The following BRSK1 variants were observed in gnomAD, a reference collection of about 807,000 sequenced individuals.
BRSK1 encodes the protein BR serine/threonine kinase 1, also known as serine/threonine-protein kinase BRSK1.
A neutral mutation model predicts 86.2 loss-of-function variants in BRSK1; 17 were observed. The ratio of observed to expected loss-of-function variants is 0.20; its 90% CI spans 0.14 to 0.30. BRSK1 has a LOEUF of 0.30. BRSK1 is among the 10% of genes least tolerant of loss of function. The pLI is 1.00. For synonymous variants in BRSK1, 464 were observed against 440.1 expected, an observed-to-expected ratio of 1.05 and a Z score of -0.68; for missense variants, 719 against 1,071.9, an observed-to-expected ratio of 0.67 and a Z score of 4.60.
In BRSK1 at chr19:55,302,973, G is replaced by A; in HGVS notation, c.1028+106G>A. On this transcript the variant is annotated intron_variant, in intron 10 of 18. Transcript: ENST00000309383. The surrounding 1 kb of genome is among the most constrained non-coding windows in gnomAD (Gnocchi z 6.3). The stretch of plus-strand genomic sequence containing the variant: ...GCGAGGAACCCTGGCCTCTCATGGG[G>A]CATGGTTTGAAGCTCCCGCCTGGGA... 1 of 1,440,694 alleles carries A rather than the reference G, an allele frequency of 6.9e-7. No homozygotes were observed. The highest frequency in any genetic ancestry group is 9.3e-7 in the Non-Finnish European group (1 of 1,076,534). The allele number at this position is 1,440,694 out of a possible 1,614,324, so 89.2% of individuals were successfully genotyped here.
At position 55,303,706 on chromosome 19, in the gene BRSK1, G is replaced by C. The variant is rs1307587962; in HGVS notation, c.1166G>C (p.Arg389Pro). The C allele has an allele frequency of 1.9e-6, 3 of 1,612,764 alleles. No individual in the cohort carries two copies. Among genetic ancestry groups the C allele is most frequent in the Non-Finnish European group, 2.5e-6 (3 of 1,179,502 alleles). Residue 389 changes from arginine to proline, a missense_variant, in exon 12 of 19, where the codon CGT becomes CCT. Physicochemically the swap from Arg to Pro is moderately radical, Grantham distance 103. Around this residue, in one of 6 missense-constraint regions of BRSK1, gnomAD observed 168 missense variants for 246.3 expected, o/e 0.68. Transcript: ENST00000309383. The surrounding 1 kb of genome is among the most constrained non-coding windows in gnomAD (Gnocchi z 5.1). ...RKRVDSPMLS[R>P]HGKRRPERKS... is the part of the protein sequence containing the mutation. ...CGTGTGGATTCTCCCATGCTGAGCCGTCACGGGAAGCGGCGACCAGAGCGG... is the reference window on the plus strand; with the variant it reads ...CGTGTGGATTCTCCCATGCTGAGCCCTCACGGGAAGCGGCGACCAGAGCGG...
Position 55,303,890 on chromosome 19 carries a change from C to A in BRSK1, c.1286+64C>A. The A allele has an allele frequency of 6.5e-7, 1 of 1,529,464 alleles. No homozygotes were observed. The highest frequency in any genetic ancestry group is 8.8e-7 in the Non-Finnish European group (1 of 1,138,424). The allele number at this position is 1,529,464 out of a possible 1,614,324, so 94.7% of individuals were successfully genotyped here. On this transcript the variant is annotated intron_variant, in intron 12 of 18. Coordinates refer to ENST00000309383, the MANE Select transcript of BRSK1 (RefSeq NM_032430.2). The surrounding 1 kb of genome is among the most constrained non-coding windows in gnomAD (Gnocchi z 5.1). ...TGGGTCTAGGAGTTCAAGATTCTAA[C>A]CCCAGCTCTACCTCAAATGTGCTGT...
intron 18 of BRSK1, among the ~76,000 whole-genome samples, chr19:55,309,192 G>A (rs1192803781): frequency 6.6e-6 from 1 of 152,054 alleles, no homozygotes; most frequent in East Asian, 1.9e-4. Flanking sequence ...GGACAAATTG[G>A]TCACCATCTT....
intron 4 of BRSK1, among the ~76,000 whole-genome samples, chr19:55,292,813 G>C (rs776464950): frequency 5.3e-5 from 8 of 149,946 alleles, no homozygotes; most frequent in Non-Finnish European, 8.9e-5. Context: ...CAGCCTGGTC[G>C]ACAGAGTGAG....
chr19:55,302,436 G>T lies in BRSK1; in HGVS notation c.858-261G>T. 1.6e-6 allele frequency: 1 copy of T among 615,276 alleles called. No homozygotes were observed. The highest frequency in any genetic ancestry group is 2.0e-5 in the South Asian group (1 of 49,680). 38.1% of individuals were successfully genotyped at this position (615,276 alleles called of 1,614,324 possible). ...TGGACTCCTGGATCCGAGGGAGGAG[G>T]GGCTGGGGGCCTGGACTTCTGGGTC... On this transcript the variant is annotated intron_variant, in intron 9 of 18. Coordinates refer to ENST00000309383, the MANE Select transcript of BRSK1 (RefSeq NM_032430.2). The surrounding 1 kb of genome is among the most constrained non-coding windows in gnomAD (Gnocchi z 6.3).
intron 7 of BRSK1, among the ~76,000 whole-genome samples, chr19:55,298,707 T>A (rs564983328): frequency 6.6e-6 from 1 of 152,322 alleles, no homozygotes; most frequent in East Asian, 1.9e-4. Flanking sequence ...ACAATCCCCC[T>A]TTCACCACCT....
chr19:55,293,583 C>T (rs536206770), intron 4 of BRSK1, among the ~76,000 whole-genome samples: 64 of 151,946 alleles, frequency 4.2e-4, no homozygotes, highest in South Asian at 3.1e-3. Flanking sequence ...GAGGCCAAGG[C>T]GGGCGGATCA....
intron 4 of BRSK1, among the ~76,000 whole-genome samples, chr19:55,292,093 G>A (rs1244918519): frequency 1.3e-5 from 2 of 152,120 alleles, no homozygotes; most frequent in Non-Finnish European, 2.9e-5. Flanking sequence ...CTGTTGACAA[G>A]ATTGTCAAAA....
Position 55,284,220 on chromosome 19 carries a change from A to G in BRSK1, c.-223A>G. ...GGGGGCCCCGCAGCCCCCCTGGGCC[A>G]TGCTGACTCCCGGGGCCTGACCCCC... On this transcript the variant is annotated 5_prime_UTR_variant, in exon 1 of 19. An upstream start codon of the reference 5' UTR is lost. Coordinates refer to ENST00000309383, the MANE Select transcript of BRSK1 (RefSeq NM_032430.2). 1.6e-6 allele frequency: 1 copy of G among 638,456 alleles called. No homozygotes were observed. The highest frequency in any genetic ancestry group is 1.9e-5 in the African/African-American group (1 of 51,830). The allele number at this position is 638,456 out of a possible 1,614,324, so 39.5% of individuals were successfully genotyped here.
intron 3 of BRSK1, among the ~76,000 whole-genome samples, chr19:55,288,390 C>G (rs552055554): frequency 6.8e-6 from 1 of 147,126 alleles, no homozygotes; most frequent in Admixed American, 6.9e-5. Flanking sequence ...GGGAGAATTG[C>G]TTGAACCTGG....
At position 55,306,219 on chromosome 19, in the gene BRSK1, G is replaced by A; in HGVS notation, c.1891-33G>A. ...GTGGGGCTGGGTATCCATTTCCTGGGCTCACCCCTTCCTGTGTTCCTACCT... is the reference window on the plus strand; with the variant it reads ...GTGGGGCTGGGTATCCATTTCCTGGACTCACCCCTTCCTGTGTTCCTACCT... On this transcript the variant is annotated intron_variant, in intron 16 of 18. Transcript: ENST00000309383. This position sits in a 1 kb window ranked among gnomAD's most constrained non-coding sequence, Gnocchi z 4.7. 6.2e-7 allele frequency: 1 copy of A among 1,609,830 alleles called. No homozygotes were observed.
At chr19:55,289,775 A>G (rs943078779) in intron 4 of BRSK1, among the ~76,000 whole-genome samples, 155 bp downstream of exon 4, 17 of 152,254 alleles carry the variant, frequency 1.1e-4, no homozygotes, top group Admixed American at 3.9e-4. Flanking sequence ...TCCTCCTTTT[A>G]GAGTGTGTAA....
In BRSK1 at chr19:55,308,650, C is replaced by T. The variant is rs759820361; in HGVS notation, c.2101C>T (p.Arg701Trp). The change falls in exon 18 of 19, where the codon CGG becomes TGG. Residue 701 changes from arginine (R) to tryptophan (W), a missense_variant. By Grantham distance (101) the Arg-to-Trp change is moderately radical. Transcript: ENST00000309383. The stretch of plus-strand genomic sequence containing the variant: ...GCCTGTGCCTCTAGGTCCCAGCCGT[C>T]GGTTCAAGCGAGTGGTGGAGACCAT... The part of the protein sequence containing the change: ...TFTLISGPSR[R>W]FKRVVETIQA... 2 of 1,595,898 alleles carry T rather than the reference C, an allele frequency of 1.3e-6. No homozygotes were observed. Among genetic ancestry groups the T allele is most frequent in the South Asian group, 1.1e-5 (1 of 90,848 alleles).
chr19:55,294,496 T>A lies in BRSK1; in HGVS notation c.678+99T>A, dbSNP rs917872950. 1.9e-5 allele frequency: 25 copies of A among 1,346,792 alleles called. No individual in the cohort carries two copies. Among genetic ancestry groups the A allele is most frequent in the African/African-American group, 4.4e-5 (3 of 67,998 alleles). The allele number at this position is 1,346,792 out of a possible 1,614,324, so 83.4% of individuals were successfully genotyped here. A position where few individuals can be genotyped will look rare whatever the true frequency, so the allele number is the denominator to read the frequency against. Reference sequence around the variant, plus strand: ...TCCTCAGGTCATCTCCTGAATTTATTTATGAATTTTATTTATTTATTTTGA... The same window carrying A: ...TCCTCAGGTCATCTCCTGAATTTATATATGAATTTTATTTATTTATTTTGA... On this transcript the variant is annotated intron_variant, in intron 7 of 18. Coordinates refer to ENST00000309383, the MANE Select transcript of BRSK1 (RefSeq NM_032430.2). This position sits in a 1 kb window ranked among gnomAD's most constrained non-coding sequence, Gnocchi z 4.9.
chr19:55,308,930 G>A (rs746227362), intron 18 of BRSK1, among the ~76,000 whole-genome samples: 2 of 152,120 alleles, frequency 1.3e-5, no homozygotes, highest in African/African-American at 2.4e-5. Context: ...CACCATTGTC[G>A]TAGCTGAGGT....
Position 55,304,562 on chromosome 19 carries a change from T to C in BRSK1, c.1359T>C (p.Phe453=), listed in dbSNP as rs755207489. ...CCTGTCCTCTGCAGAGTCCGGTCTT[T>C]TCCTTTTCACCGGAGCCGGGGGCTG... ...SPLSSPRSPV[F]SFSPEPGAGD... The change falls in exon 14 of 19, where the codon TTT becomes TTC. Residue 453 remains phenylalanine (F), a synonymous_variant. Coordinates refer to ENST00000309383, the MANE Select transcript of BRSK1 (RefSeq NM_032430.2). This position sits in a 1 kb window ranked among gnomAD's most constrained non-coding sequence, Gnocchi z 5.2. The C allele has an allele frequency of 7.6e-6, 12 of 1,584,862 alleles. No homozygotes were observed. The highest frequency in any genetic ancestry group is 3.6e-5 in the Admixed American group (2 of 55,082).
chr19:55,307,079 T>A (rs1365914328), intron 17 of BRSK1, among the ~76,000 whole-genome samples: 1 of 152,118 alleles, frequency 6.6e-6, no homozygotes. Context: ...TTCTGTTTGG[T>A]CCCTCCATCC....
chr19:55,304,139 G>A lies in BRSK1; in HGVS notation c.1347+29G>A, dbSNP rs376231028. ...AGGCCAGGTCCCCAGTGGGATTTAAGAAGGAGAAAGGGGTGGAGACATGGA... is the reference window on the plus strand; with the variant it reads ...AGGCCAGGTCCCCAGTGGGATTTAAAAAGGAGAAAGGGGTGGAGACATGGA... On this transcript the variant is annotated intron_variant, in intron 13 of 18. Transcript: ENST00000309383. The surrounding 1 kb of genome is among the most constrained non-coding windows in gnomAD (Gnocchi z 5.2). 8 of 1,599,234 alleles carry A rather than the reference G, an allele frequency of 5.0e-6. No homozygotes were observed. In the African/African-American group the frequency reaches 1.1e-4, roughly 21 times the overall value.
chr19:55,284,351 GAC>G lies in BRSK1; in HGVS notation c.-91_-90del. On this transcript the variant is annotated 5_prime_UTR_variant, in exon 1 of 19. Coordinates refer to ENST00000309383, the MANE Select transcript of BRSK1 (RefSeq NM_032430.2). The stretch of plus-strand genomic sequence containing the variant: ...GGTGGGGGGCAGCCGGGGGGGCCGG[GAC>G]GGAGCGGTCGCCGGCCCCCACCGGA... The G allele has an allele frequency of 1.1e-6, 1 of 914,440 alleles. No individual in the cohort carries two copies. The allele number at this position is 914,440 out of a possible 1,614,324, so 56.6% of individuals were successfully genotyped here. A position where few individuals can be genotyped will look rare whatever the true frequency, so the allele number is the denominator to read the frequency against.
Sources: allele counts gnomAD v4.1 joint callset (sites outside exome capture counted in the v4.1 genomes callset), GRCh38; gene constraint gnomAD v4.1.1; regional missense constraint gnomAD v4.1.1; non-coding constraint Gnocchi (gnomAD v3.1); transcripts MANE v1.5; gene names NCBI Gene and HGNC (gene_info 2026-07-23, HGNC 2026-07-21).